Variants in OLFM3 observed in about 807,000 individuals in gnomAD.
OLFM3 encodes the protein noelin-3.
OLFM3 carries 20 observed loss-of-function variants against 48.6 expected under a neutral mutation model. That is an observed-to-expected ratio of 0.41 (90% confidence interval 0.29 to 0.60). OLFM3 has a LOEUF of 0.60. Among genes scored for constraint, OLFM3 ranks in the 20% least tolerant of loss-of-function variants. The pLI is 0.28. For missense variants in OLFM3, 437 were observed against 544.3 expected, an observed-to-expected ratio of 0.80 and a Z score of 1.96; for synonymous variants, 222 against 198.1, an observed-to-expected ratio of 1.12 and a Z score of -1.01.
intron 1 of OLFM3, among the ~76,000 whole-genome samples, chr1:101,851,667 C>T (rs1408017591): frequency 6.6e-6 from 1 of 152,098 alleles, no homozygotes; most frequent in Non-Finnish European, 1.5e-5. Flanking sequence ...ATTTTTGCTT[C>T]CCTCTTCATT....
rs1435620927 is a variant in OLFM3, at chr1:101,803,859, GA to G, written c.*378del. The G allele has an allele frequency of 6.4e-6, 1 of 155,158 alleles. No homozygotes were observed. Among genetic ancestry groups the G allele is most frequent in the African/African-American group, 2.4e-5 (1 of 41,422 alleles). The allele number at this position is 155,158 out of a possible 1,614,324, so 9.6% of individuals were successfully genotyped here. ...TCCTACCAAAATATTTCCTGATATG[GA>G]GCAAAAGACAGTAAAAAATGACAGT... On this transcript the variant is annotated 3_prime_UTR_variant, in exon 6 of 6. Transcript: ENST00000370103.
chr1:101,902,968 C>G (rs930861365), intron 1 of OLFM3, among the ~76,000 whole-genome samples: 2 of 152,038 alleles, frequency 1.3e-5, no homozygotes, highest in African/African-American at 2.4e-5. Context: ...AGAATCACCA[C>G]TGTATGAAGG....
intron 1 of OLFM3, among the ~76,000 whole-genome samples, chr1:101,980,680 A>G (rs1661084095): frequency 6.6e-6 from 1 of 152,208 alleles, no homozygotes; most frequent in Non-Finnish European, 1.5e-5. Flanking sequence ...AGAATGGACT[A>G]ACACAACCAC....
chr1:101,893,762 T>C (rs951029101), intron 1 of OLFM3: 5 of 153,708 alleles, frequency 3.3e-5, no homozygotes, highest in African/African-American at 1.2e-4. Context: ...GGCCAATTTA[T>C]TGTAGACCAC....
At chr1:101,938,038 C>T (rs978524081) in intron 1 of OLFM3, among the ~76,000 whole-genome samples, 2 of 152,160 alleles carry the variant, frequency 1.3e-5, no homozygotes, top group African/African-American at 4.8e-5. Flanking sequence ...ATATTTATTG[C>T]ATGATGCTCT....
intron 4 of OLFM3, among the ~76,000 whole-genome samples, chr1:101,823,401 G>T (rs1283318540): frequency 1.3e-5 from 2 of 152,014 alleles, no homozygotes; most frequent in Admixed American, 1.3e-4. Flanking sequence ...AGGTGAAAGT[G>T]CGTTGATGGA....
intron 1 of OLFM3, among the ~76,000 whole-genome samples, chr1:101,927,141 AAG>A (rs1230835056): frequency 6.6e-6 from 1 of 152,130 alleles, no homozygotes; most frequent in African/African-American, 2.4e-5. Context: ...ATAAAAATAG[AAG>A]AGACTGAAAA....
At chr1:101,970,911 T>A (rs1363078700) in intron 1 of OLFM3, among the ~76,000 whole-genome samples, 1 of 151,768 alleles carries the variant, frequency 6.6e-6, no homozygotes, top group Non-Finnish European at 1.5e-5. Flanking sequence ...AAATCATGTT[T>A]TGAATGTTAA....
intron 4 of OLFM3, among the ~76,000 whole-genome samples, chr1:101,815,750 C>T (rs1654307572): frequency 1.3e-5 from 2 of 152,140 alleles, no homozygotes; most frequent in African/African-American, 4.8e-5. Context: ...AGGGATAATT[C>T]TAAGTTGTTC....
chr1:101,906,047 C>T (rs1402737326), intron 1 of OLFM3, among the ~76,000 whole-genome samples: 1 of 152,080 alleles, frequency 6.6e-6, no homozygotes, highest in African/African-American at 2.4e-5. Flanking sequence ...GGCTGAATTT[C>T]GAATGATTTC....
At chr1:101,939,121 C>A (rs1390365138) in intron 1 of OLFM3, among the ~76,000 whole-genome samples, 1 of 152,096 alleles carries the variant, frequency 6.6e-6, no homozygotes, top group East Asian at 1.9e-4. Context: ...AGCTATTTCA[C>A]AACTAGCACA....
At chr1:101,918,992 A>G (rs1348900936) in intron 1 of OLFM3, among the ~76,000 whole-genome samples, 1 of 152,226 alleles carries the variant, frequency 6.6e-6, no homozygotes, top group African/African-American at 2.4e-5. Flanking sequence ...TTGATAATGC[A>G]TAGATTAAGT....
At chr1:101,926,956 T>G (rs1189235421) in intron 1 of OLFM3, among the ~76,000 whole-genome samples, 1 of 152,104 alleles carries the variant, frequency 6.6e-6, no homozygotes, top group Non-Finnish European at 1.5e-5. Context: ...AAAAAAGAAT[T>G]GGAAGAATAA....
At chr1:101,927,690 G>GTA (rs111249039) in intron 1 of OLFM3, among the ~76,000 whole-genome samples, 10 of 149,764 alleles carry the variant, frequency 6.7e-5, no homozygotes, top group South Asian at 2.1e-4. Context: ...GCAAAAGCAA[G>GTA]TATATATATA....
chr1:101,819,524 G>C (rs929179139), intron 4 of OLFM3, among the ~76,000 whole-genome samples: 7 of 152,082 alleles, frequency 4.6e-5, no homozygotes, highest in African/African-American at 1.7e-4. Flanking sequence ...TTCGGCTGGT[G>C]GAAGTGAGGA....
chr1:101,928,913 A>C (rs1378609807), intron 1 of OLFM3, among the ~76,000 whole-genome samples: 1 of 152,100 alleles, frequency 6.6e-6, no homozygotes, highest in East Asian at 1.9e-4. Flanking sequence ...AGGATGTTTG[A>C]TGCTGTGGCT....
intron 1 of OLFM3, among the ~76,000 whole-genome samples, chr1:101,957,122 G>A (rs1209882911): frequency 6.6e-6 from 1 of 151,878 alleles, no homozygotes; most frequent in Non-Finnish European, 1.5e-5. Context: ...ACCTCTCTTG[G>A]TATTCAATGT....
At chr1:101,878,798 G>A (rs1156736833) in intron 1 of OLFM3, among the ~76,000 whole-genome samples, 1 of 151,864 alleles carries the variant, frequency 6.6e-6, no homozygotes, top group African/African-American at 2.4e-5. Context: ...AACTAATGAA[G>A]AATTAGCCTT....
chr1:101,886,439 G>T (rs534569504), intron 1 of OLFM3, among the ~76,000 whole-genome samples: 90 of 152,156 alleles, frequency 5.9e-4, no homozygotes, highest in Admixed American at 1.6e-3. Flanking sequence ...TGATAATTTT[G>T]TATGTACATA....
Sources: gnomAD v4.1 joint callset for allele counts (sites outside exome capture counted in the v4.1 genomes callset) on GRCh38, gnomAD v4.1.1 for gene constraint, MANE v1.5 for transcripts, NCBI Gene and HGNC (gene_info 2026-07-23, HGNC 2026-07-21) for gene names.